Variants in PTPRK observed in about 807,000 individuals in gnomAD.
The protein encoded by PTPRK is protein tyrosine phosphatase receptor type K.
Under a neutral mutation model 178.0 loss-of-function variants are expected in PTPRK, and 75 were observed. That is an observed-to-expected ratio of 0.42 (90% CI 0.35 to 0.51). PTPRK has a LOEUF of 0.51. Among genes scored for constraint, PTPRK ranks in the 20% least tolerant of loss-of-function variants. The probability of loss-of-function intolerance (pLI) is 0.02; values close to 1 mark genes in which losing one functional copy is unlikely to be tolerated. For synonymous variants in PTPRK, 637 were observed against 620.6 expected, an observed-to-expected ratio of 1.03 and a Z score of -0.39; for missense variants, 1,441 against 1,797.8, an observed-to-expected ratio of 0.80 and a Z score of 3.59.
At chr6:128,442,458 A>G (rs896653360) in intron 1 of PTPRK, among the ~76,000 whole-genome samples, 34 of 152,266 alleles carry the variant, frequency 2.2e-4, no homozygotes, top group African/African-American at 6.3e-4. Flanking sequence ...AAACATTTGC[A>G]TGTTATCAAA....
At chr6:128,022,154 C>A (rs1773609491) in intron 13 of PTPRK, among the ~76,000 whole-genome samples, 1 of 152,138 alleles carries the variant, frequency 6.6e-6, no homozygotes. Flanking sequence ...TTGGCTTTTG[C>A]TTGCTATTTG....
chr6:128,502,216 A>G (rs1190944809), intron 1 of PTPRK, among the ~76,000 whole-genome samples: 1 of 152,220 alleles, frequency 6.6e-6, no homozygotes, highest in Non-Finnish European at 1.5e-5. Context: ...CAGTGCTCTA[A>G]GTTAACAGGA....
chr6:128,344,586 G>A (rs367867143), intron 2 of PTPRK, among the ~76,000 whole-genome samples: 1 of 151,866 alleles, frequency 6.6e-6, no homozygotes, highest in East Asian at 1.9e-4. Context: ...GGCGATCATG[G>A]CTCACTGCAG....
At chr6:128,340,983 A>G (rs971383711) in intron 2 of PTPRK, among the ~76,000 whole-genome samples, 1 of 152,202 alleles carries the variant, frequency 6.6e-6, no homozygotes, top group Non-Finnish European at 1.5e-5. Flanking sequence ...CTGTTTTACT[A>G]TATTTATTGT....
chr6:128,058,235 A>AT (rs1308197666), intron 13 of PTPRK, among the ~76,000 whole-genome samples: 3 of 152,214 alleles, frequency 2.0e-5, no homozygotes, highest in Admixed American at 2.0e-4. Flanking sequence ...GTTGCTAGAC[A>AT]GTTTTCCAAA....
chr6:128,198,747 C>T (rs1300198463), intron 6 of PTPRK, among the ~76,000 whole-genome samples: 1 of 152,170 alleles, frequency 6.6e-6, no homozygotes, highest in African/African-American at 2.4e-5. Flanking sequence ...ACCTTTCTCA[C>T]TACACTCTCT....
At chr6:128,219,982 T>C (rs1230634836) in intron 5 of PTPRK, among the ~76,000 whole-genome samples, 4 of 152,122 alleles carry the variant, frequency 2.6e-5, no homozygotes, top group Non-Finnish European at 5.9e-5. Flanking sequence ...AGAGAATTAG[T>C]CAAAAGAGCC....
chr6:128,497,018 A>G (rs149096412), intron 1 of PTPRK, among the ~76,000 whole-genome samples: 1 of 152,340 alleles, frequency 6.6e-6, no homozygotes, highest in African/African-American at 2.4e-5. Context: ...GTAACATCCA[A>G]AAAGTACACC....
At chr6:128,161,138 T>G (rs1798651568) in intron 7 of PTPRK, among the ~76,000 whole-genome samples, 1 of 151,760 alleles carries the variant, frequency 6.6e-6, no homozygotes, top group African/African-American at 2.4e-5. Context: ...TTAGCCCATG[T>G]TTAAGAACAC....
intron 5 of PTPRK, chr6:128,235,420 T>A (rs1171874144): frequency 1.7e-5 from 4 of 233,084 alleles, no homozygotes; most frequent in Non-Finnish European, 3.8e-5. Flanking sequence ...CATTTCAGTA[T>A]AAATTATATG....
At chr6:128,258,557 C>A (rs1817692070) in intron 3 of PTPRK, among the ~76,000 whole-genome samples, 1 of 152,164 alleles carries the variant, frequency 6.6e-6, no homozygotes. Context: ...ATAATTATTT[C>A]TCGAGCACCT....
chr6:128,076,037 G>A (rs1429441959), intron 11 of PTPRK, among the ~76,000 whole-genome samples: 1 of 151,800 alleles, frequency 6.6e-6, no homozygotes, highest in Non-Finnish European at 1.5e-5. Context: ...CAGGGGGAAG[G>A]GTCACAGAGT....
chr6:128,096,633 A>G (rs994875075), intron 7 of PTPRK, among the ~76,000 whole-genome samples: 42 of 152,194 alleles, frequency 2.8e-4, no homozygotes, highest in African/African-American at 9.6e-4. Flanking sequence ...AAAATAAAAA[A>G]AAGAAAGTTC....
intron 1 of PTPRK, among the ~76,000 whole-genome samples, chr6:128,507,019 A>G (rs1342991258): frequency 6.6e-6 from 1 of 152,116 alleles, no homozygotes; most frequent in Non-Finnish European, 1.5e-5. Context: ...CAAAACCTAC[A>G]TCTGGAATGG....
chr6:128,373,353 T>C (rs1836564785), intron 2 of PTPRK, among the ~76,000 whole-genome samples: 1 of 152,190 alleles, frequency 6.6e-6, no homozygotes, highest in Non-Finnish European at 1.5e-5. Context: ...GTGCTACAAA[T>C]GGTAGACACA....
chr6:128,020,448 A>AT (rs1290965511), intron 13 of PTPRK, among the ~76,000 whole-genome samples: 1 of 152,128 alleles, frequency 6.6e-6, no homozygotes, highest in Non-Finnish European at 1.5e-5. Flanking sequence ...TGTCAGTGAT[A>AT]TTTTTTTCCC....
At chr6:128,508,175 G>A (rs1159257176) in intron 1 of PTPRK, among the ~76,000 whole-genome samples, 1 of 152,102 alleles carries the variant, frequency 6.6e-6, no homozygotes, top group Non-Finnish European at 1.5e-5. Context: ...TGAATCACTA[G>A]ATGTGGGCAG....
At chr6:128,251,615 A>G (rs1816468886) in intron 3 of PTPRK, among the ~76,000 whole-genome samples, 1 of 152,190 alleles carries the variant, frequency 6.6e-6, no homozygotes, top group Non-Finnish European at 1.5e-5. Flanking sequence ...GCATAGTTAC[A>G]GCATCTGCCA....
chr6:128,122,519 GA>G (rs1792648423), intron 7 of PTPRK, among the ~76,000 whole-genome samples: 1 of 152,098 alleles, frequency 6.6e-6, no homozygotes, highest in Admixed American at 6.6e-5. Flanking sequence ...TCTCTCTCAT[GA>G]CTTTAAACCT....
Sources: allele counts gnomAD v4.1 joint callset (sites outside exome capture counted in the v4.1 genomes callset), GRCh38; gene constraint gnomAD v4.1.1; transcripts MANE v1.5; gene names NCBI Gene and HGNC (gene_info 2026-07-23, HGNC 2026-07-21).